The following FAM76B variants were observed in gnomAD, a reference collection of about 807,000 sequenced individuals.
FAM76B encodes the protein protein FAM76B.
A neutral mutation model predicts 51.8 loss-of-function variants in FAM76B; 16 were observed. The ratio of observed to expected loss-of-function variants is 0.31; its 90% CI spans 0.21 to 0.47. The LOEUF (loss-of-function observed/expected upper bound fraction) is 0.47, where lower values mean the gene tolerates loss of function less well. Ranked by LOEUF, FAM76B falls within the 20% of genes least tolerant of loss-of-function variation. FAM76B has a pLI of 1.00. For synonymous variants in FAM76B, 166 were observed against 129.5 expected, an observed-to-expected ratio of 1.28 and a Z score of -1.91; for missense variants, 342 against 392.6, an observed-to-expected ratio of 0.87 and a Z score of 1.09.
chr11:95,781,076 G>C (rs1319732501), intron 5 of FAM76B, among the ~76,000 whole-genome samples: 4 of 149,876 alleles, frequency 2.7e-5, no homozygotes, highest in Non-Finnish European at 1.5e-5. Context: ...GAATGCAGTT[G>C]TCCCTTTTTT....
intron 4 of FAM76B, among the ~76,000 whole-genome samples, chr11:95,785,062 T>C (rs1410411392): frequency 1.3e-5 from 2 of 152,228 alleles, no homozygotes; most frequent in Admixed American, 6.5e-5. Flanking sequence ...TTACCCATAG[T>C]CAACCTTAGT....
rs1315880941 is a variant in FAM76B at position 95,773,980 on chromosome 11, A to G, written c.930+1942T>C. On this transcript the variant is annotated intron_variant, in intron 9 of 9. Transcript: ENST00000358780. ...ATTACATAAAGATAAAAAAAAAATT[A>G]CCGGTTTCCTCACCTCAGTAAAGAA... 2.6e-5 allele frequency among the ~76,000 whole-genome samples: 4 copies of G among 151,420 alleles called. No individual in the cohort carries two copies. In the South Asian group the frequency reaches 8.3e-4, roughly 31 times the overall value.
chr11:95,789,450 G>C lies in FAM76B; in HGVS notation c.29C>G (p.Thr10Ser). Residue 10 changes from threonine (T) to serine (S), a missense_variant, in exon 1 of 10, where the codon ACC (threonine) becomes AGC (serine). Physicochemically the swap from Thr to Ser is moderately conservative, Grantham distance 58. Transcript: ENST00000358780. ...GAAAGGATAACGCTGGGTACACTTGGTGCAGGCGTACAGGGCCGAGGCCGC... is the reference window on the plus strand; with the variant it reads ...GAAAGGATAACGCTGGGTACACTTGCTGCAGGCGTACAGGGCCGAGGCCGC... MAASALYAC[T>S]KCTQRYPFEE... The C allele has an allele frequency of 6.2e-7, 1 of 1,609,524 alleles. No homozygotes were observed.
At chr11:95,780,706 C>T (rs1374126349) in intron 5 of FAM76B, among the ~76,000 whole-genome samples, 3 of 151,958 alleles carry the variant, frequency 2.0e-5, no homozygotes, top group Middle Eastern at 6.8e-3. Flanking sequence ...CGTATTTATA[C>T]GATTTAGAAG....
chr11:95,789,118 C>T, intron 1 of FAM76B: 1 of 1,359,736 alleles, frequency 7.4e-7, no homozygotes, highest in Non-Finnish European at 9.7e-7. Context: ...GGCTGCCTCA[C>T]TCAACCCCAC....
At position 95,778,815 on chromosome 11, in the gene FAM76B, T is replaced by A; in HGVS notation, c.828+7A>T. On this transcript the variant is annotated splice_region_variant and intron_variant, in intron 8 of 9. Coordinates refer to ENST00000358780, the MANE Select transcript of FAM76B (RefSeq NM_144664.5). The stretch of plus-strand genomic sequence containing the variant: ...TCTTACCAGGCTTCAATGAACCATG[T>A]TCTTACCTTTTTATCTTTTTCTAAA... 1 of 1,596,398 alleles carries A rather than the reference T, an allele frequency of 6.3e-7. No individual in the cohort carries two copies. Among genetic ancestry groups the A allele is most frequent in the East Asian group, 2.2e-5 (1 of 44,680 alleles).
In FAM76B at chr11:95,771,323, T is replaced by C. The variant is rs1859755682; in HGVS notation, c.*238A>G. 4 of 380,024 alleles carry C rather than the reference T, an allele frequency of 1.1e-5. No homozygotes were observed. Among genetic ancestry groups the C allele is most frequent in the Non-Finnish European group, 2.0e-5 (4 of 202,046 alleles). The allele number at this position is 380,024 out of a possible 1,614,324, so 23.5% of individuals were successfully genotyped here. On this transcript the variant is annotated 3_prime_UTR_variant, in exon 10 of 10. Transcript: ENST00000358780. ...CTTTACAACTGTTTAATACTATTGCTGGCAAAAAAGTTCCTGGATATCAAA... is the reference window on the plus strand; with the variant it reads ...CTTTACAACTGTTTAATACTATTGCCGGCAAAAAAGTTCCTGGATATCAAA...
rs371395646 is a variant in FAM76B at position 95,779,908 on chromosome 11, T to G, written c.582A>C (p.Pro194=). 29 of 1,604,822 alleles carry G rather than the reference T, an allele frequency of 1.8e-5. No homozygotes were observed. Among genetic ancestry groups the G allele is most frequent in the African/African-American group, 2.7e-5 (2 of 74,382 alleles). ...GTTTCCACAGTCCCTGCTCTTCTTC[T>G]GGACTTAGATTGCTGATTCTGAAAA... ...SSHHKISNLS[P]EEEQGLWKQS... The change falls in exon 6 of 10, where the codon CCA becomes CCC. Residue 194 remains proline, a synonymous_variant. Coordinates refer to ENST00000358780, the MANE Select transcript of FAM76B (RefSeq NM_144664.5).
chr11:95,771,734 T>C, intron 9 of FAM76B, 84 bp from the exon 10 acceptor site: 1 of 1,033,364 alleles, frequency 9.7e-7, no homozygotes, highest in East Asian at 2.6e-5. Context: ...TTTAATACTG[T>C]TTTCATTTAT....
Position 95,787,520 on chromosome 11 carries a change from G to C in FAM76B, c.207+104C>G, listed in dbSNP as rs537001371. ...CTCCCAAAGTGCTGGGATTACAGGC[G>C]TGAGCCACTGTGCCCAGCCAGCAGT... On this transcript the variant is annotated intron_variant, in intron 3 of 9. Transcript: ENST00000358780. 3 of 1,113,318 alleles carry C rather than the reference G, an allele frequency of 2.7e-6. No homozygotes were observed. In the Admixed American group the frequency reaches 6.2e-5, roughly 23 times the overall value. The allele number at this position is 1,113,318 out of a possible 1,614,324, so 69.0% of individuals were successfully genotyped here. A position where few individuals can be genotyped will look rare whatever the true frequency, so the allele number is the denominator to read the frequency against.
Position 95,771,532 on chromosome 11 carries a change from TAAG to T in FAM76B, c.*26_*28del, listed in dbSNP as rs1859764971. On this transcript the variant is annotated 3_prime_UTR_variant, in exon 10 of 10. Coordinates refer to ENST00000358780, the MANE Select transcript of FAM76B (RefSeq NM_144664.5). ...ATTTTTTTTCCCCAAATTTACATTG[TAAG>T]AAGAAATGCTAAACAAATGACTTTC... The T allele has an allele frequency of 1.3e-6, 2 of 1,571,844 alleles. No homozygotes were observed. Among genetic ancestry groups the T allele is most frequent in the Admixed American group, 3.4e-5 (2 of 58,152 alleles).
chr11:95,789,743 C>G lies in FAM76B; in HGVS notation c.-265G>C, dbSNP rs536058236. On this transcript the variant is annotated 5_prime_UTR_variant, in exon 1 of 10. Coordinates refer to ENST00000358780, the MANE Select transcript of FAM76B (RefSeq NM_144664.5). The stretch of plus-strand genomic sequence containing the variant: ...CCGATAGCGGCGGAGGGAGACGAAG[C>G]GGGTAGGGGGTTGCTGTTTAGCTGT... 2 of 460,578 alleles carry G rather than the reference C, an allele frequency of 4.3e-6. No individual in the cohort carries two copies. Among genetic ancestry groups the G allele is most frequent in the African/African-American group, 4.2e-5 (2 of 47,932 alleles). 28.5% of individuals were successfully genotyped at this position (460,578 alleles called of 1,614,324 possible). A position where few individuals can be genotyped will look rare whatever the true frequency, so the allele number is the denominator to read the frequency against.
chr11:95,788,466 C>T (rs1382034287), intron 2 of FAM76B, 33 bp downstream of exon 2: 1 of 1,514,786 alleles, frequency 6.6e-7, no homozygotes, highest in Admixed American at 1.7e-5. Flanking sequence ...CAACACTTGT[C>T]TTTAACAGTC....
chr11:95,787,229 C>G (rs1218038094), intron 3 of FAM76B, among the ~76,000 whole-genome samples: 1 of 152,026 alleles, frequency 6.6e-6, no homozygotes, highest in African/African-American at 2.4e-5. Flanking sequence ...TATCTAAGAG[C>G]ATAGCAGTAG....
chr11:95,789,523 G>A lies in FAM76B; in HGVS notation c.-45C>T, dbSNP rs375474665. On this transcript the variant is annotated 5_prime_UTR_variant, in exon 1 of 10. Transcript: ENST00000358780. Reference sequence around the variant, plus strand: ...CTCCGCCGCCGCCCGCTCCGAGGCGGGGCCCTACGGAGAACCCGAGAGCCG... The same window carrying A: ...CTCCGCCGCCGCCCGCTCCGAGGCGAGGCCCTACGGAGAACCCGAGAGCCG... 160 of 1,540,996 alleles carry A rather than the reference G, an allele frequency of 1.0e-4. No homozygotes were observed. The highest frequency in any genetic ancestry group is 3.9e-5 in the Admixed American group (2 of 51,626).
intron 2 of FAM76B, among the ~76,000 whole-genome samples, chr11:95,788,112 A>C (rs1330994380): frequency 2.0e-5 from 3 of 151,976 alleles, no homozygotes; most frequent in Non-Finnish European, 4.4e-5. Context: ...GTTACGTACT[A>C]CTCCTCTTCT....
intron 8 of FAM76B, 26 bp from the exon 9 acceptor site, chr11:95,776,049 G>T: frequency 7.6e-7 from 1 of 1,314,166 alleles, no homozygotes; most frequent in Non-Finnish European, 1.1e-6. Flanking sequence ...AAAAATATAT[G>T]TATATATTTG....
intron 5 of FAM76B, 87 bp downstream of exon 5, chr11:95,782,978 T>C (rs201607708): frequency 1.3e-5 from 20 of 1,516,632 alleles, no homozygotes; most frequent in South Asian, 9.7e-5. Context: ...GACTAGCACA[T>C]AGTCAATATT....
intron 1 of FAM76B, chr11:95,789,143 GA>G: frequency 8.0e-7 from 1 of 1,253,614 alleles, no homozygotes; most frequent in Non-Finnish European, 1.1e-6. Context: ...GAGACCCCCA[GA>G]CGCTGACGGG....
Sources: allele counts gnomAD v4.1 joint callset (sites outside exome capture counted in the v4.1 genomes callset), GRCh38; gene constraint gnomAD v4.1.1; transcripts MANE v1.5; gene names NCBI Gene and HGNC (gene_info 2026-07-23, HGNC 2026-07-21).